Variants in FAR1 observed in about 807,000 individuals in gnomAD.
The protein encoded by FAR1 is fatty acyl-CoA reductase 1.
A neutral mutation model predicts 61.1 loss-of-function variants in FAR1; 22 were observed. The observed-to-expected ratio is 0.36, with a 90% CI of 0.26 to 0.51. The LOEUF (loss-of-function observed/expected upper bound fraction) is 0.51. Ranked by LOEUF, FAR1 falls within the 20% of genes least tolerant of loss-of-function variation. FAR1 has a pLI of 0.95. For missense variants in FAR1, 359 were observed against 626.9 expected, an observed-to-expected ratio of 0.57 and a Z score of 4.56; for synonymous variants, 206 against 209.7, an observed-to-expected ratio of 0.98 and a Z score of 0.15.
In FAR1 at chr11:13,716,604, A is replaced by G. The variant is rs984407458; in HGVS notation, c.1127+1924A>G. Among the ~76,000 whole-genome samples the G allele has an allele frequency of 2.6e-5, 4 of 152,288 alleles. No homozygotes were observed. The South Asian group carries it at 8.3e-4, about 32-fold the overall frequency. ...TAGCCTTAGGGGAATTAGACTTCTT[A>G]TATAGCAGCTGATGGCTTCAAGGGG... On this transcript the variant is annotated intron_variant, in intron 9 of 11. Coordinates refer to ENST00000354817, the MANE Select transcript of FAR1 (RefSeq NM_032228.6).
intron 10 of FAR1, among the ~76,000 whole-genome samples, chr11:13,726,898 G>A (rs1848672490): frequency 6.6e-6 from 1 of 151,866 alleles, no homozygotes; most frequent in African/African-American, 2.4e-5. Context: ...TTTTAGATAA[G>A]TGATGGTATA....
intron 10 of FAR1, among the ~76,000 whole-genome samples, chr11:13,724,020 C>T (rs2134201329): frequency 6.6e-6 from 1 of 152,248 alleles, no homozygotes; most frequent in East Asian, 1.9e-4. Flanking sequence ...CTAGGTCTCA[C>T]CCATGGCACC....
rs189008566 is a variant in FAR1 at position 13,671,674 on chromosome 11, C to T, written c.-8+2868C>T. 2.8e-4 allele frequency among the ~76,000 whole-genome samples: 42 copies of T among 152,272 alleles called. No individual in the cohort carries two copies. In the East Asian group the frequency reaches 6.4e-3, roughly 23 times the overall value. ...GTTTTGAACCTTCCAAATATTATCT[C>T]ATCTTCTGATTATCTGTATTTTATA... On this transcript the variant is annotated intron_variant, in intron 1 of 11. Coordinates refer to ENST00000354817, the MANE Select transcript of FAR1 (RefSeq NM_032228.6).
At chr11:13,719,457 C>T (rs1366352216) in intron 9 of FAR1, among the ~76,000 whole-genome samples, 1 of 152,074 alleles carries the variant, frequency 6.6e-6, no homozygotes, top group Admixed American at 6.5e-5. Flanking sequence ...TACTATGATG[C>T]CTAATTCTAC....
intron 10 of FAR1, among the ~76,000 whole-genome samples, chr11:13,725,225 A>C (rs1848657222): frequency 6.6e-6 from 1 of 152,156 alleles, no homozygotes; most frequent in South Asian, 2.1e-4. Flanking sequence ...GGGCATTCAT[A>C]TGTTCAGTTT....
In FAR1 at chr11:13,700,410, G is replaced by A; in HGVS notation, c.283G>A (p.Glu95Lys). 1 of 1,601,160 alleles carries A rather than the reference G, an allele frequency of 6.2e-7. No individual in the cohort carries two copies. Among genetic ancestry groups the A allele is most frequent in the South Asian group, 1.1e-5 (1 of 87,840 alleles). Residue 95 changes from glutamate (E) to lysine (K), a missense_variant, in exon 3 of 12, where the codon GAA (glutamate) becomes AAA (lysine). Coordinates refer to ENST00000354817, the MANE Select transcript of FAR1 (RefSeq NM_032228.6). ...CACCCAACCTAAACTGGCTCTCAGT[G>A]AAGAAGATAAAGAGGTGATCATAGA... is the stretch of plus-strand genomic sequence containing the variant. ...ELTQPKLALSEEDKEVIIDST... is the reference protein window; with the variant it reads ...ELTQPKLALSKEDKEVIIDST...
chr11:13,668,865 C>G lies in FAR1; in HGVS notation c.-8+59C>G, dbSNP rs528551392. ...GCTGCGGGCTCCTCCTCGCCTGGCT[C>G]GGGAAGTGGTTGCGGGAGCTCGGGC... On this transcript the variant is annotated intron_variant, in intron 1 of 11. Coordinates refer to ENST00000354817, the MANE Select transcript of FAR1 (RefSeq NM_032228.6). The G allele has an allele frequency of 2.0e-5, 3 of 153,046 alleles. No homozygotes were observed. The East Asian group carries it at 5.8e-4, about 30-fold the overall frequency. The allele number at this position is 153,046 out of a possible 1,614,324, so 9.5% of individuals were successfully genotyped here. A position where few individuals can be genotyped will look rare whatever the true frequency, so the allele number is the denominator to read the frequency against.
intron 4 of FAR1, among the ~76,000 whole-genome samples, chr11:13,710,302 A>G (rs1848483370): frequency 6.6e-6 from 1 of 152,128 alleles, no homozygotes; most frequent in Admixed American, 6.5e-5. Context: ...TAGAGAGGGT[A>G]TATAATTTAT....
intron 2 of FAR1, among the ~76,000 whole-genome samples, chr11:13,696,840 G>C (rs1286709493): frequency 6.6e-6 from 1 of 152,026 alleles, no homozygotes; most frequent in Non-Finnish European, 1.5e-5. Context: ...TTTAGGTATG[G>C]TCTACTCTGA....
At chr11:13,688,909 C>T (rs1848217956) in intron 1 of FAR1, among the ~76,000 whole-genome samples, 1 of 152,112 alleles carries the variant, frequency 6.6e-6, no homozygotes, top group South Asian at 2.1e-4. Context: ...ATCCCTCTGT[C>T]TCAGCCTTCA....
intron 2 of FAR1, among the ~76,000 whole-genome samples, chr11:13,695,235 G>A (rs747734085): frequency 6.6e-6 from 1 of 151,832 alleles, no homozygotes; most frequent in South Asian, 2.1e-4. Context: ...TTTGAGGCAG[G>A]TTGTTTGTAA....
At position 13,721,724 on chromosome 11, in the gene FAR1, A is replaced by G. The variant is rs1848611430; in HGVS notation, c.1128-6A>G. 3.1e-6 allele frequency: 5 copies of G among 1,608,982 alleles called. No homozygotes were observed. The highest frequency in any genetic ancestry group is 4.2e-6 in the Non-Finnish European group (5 of 1,178,192). ...TATGAATCTGTCCATTTTTCTTACA[A>G]TACAGGATGATGAAAACAATAACTC... On this transcript the variant is annotated splice_polypyrimidine_tract_variant and splice_region_variant and intron_variant, in intron 9 of 11. Coordinates refer to ENST00000354817, the MANE Select transcript of FAR1 (RefSeq NM_032228.6). This position sits in a 1 kb window ranked among gnomAD's most constrained non-coding sequence, Gnocchi z 4.2.
intron 7 of FAR1, among the ~76,000 whole-genome samples, chr11:13,712,689 G>T (rs1226060995): frequency 2.6e-5 from 4 of 151,864 alleles, no homozygotes; most frequent in African/African-American, 9.7e-5. Context: ...TTTTCCTCGT[G>T]TTTAAAAATA....
chr11:13,685,783 G>A (rs1209824650), intron 1 of FAR1: 4 of 152,182 alleles, frequency 2.6e-5, no homozygotes, highest in African/African-American at 7.2e-5. Flanking sequence ...CAATGATGTG[G>A]AATTTTTAAG....
intron 8 of FAR1, 37 bp from the exon 9 acceptor site, chr11:13,714,472 T>C: frequency 6.4e-7 from 1 of 1,556,620 alleles, no homozygotes. Flanking sequence ...CATTACATGG[T>C]TATTATCAAA....
chr11:13,699,900 A>G (rs1848351436), intron 2 of FAR1, among the ~76,000 whole-genome samples: 1 of 152,236 alleles, frequency 6.6e-6, no homozygotes. Context: ...AAGGGAATAA[A>G]ATAAAAATGA....
At chr11:13,679,449 T>C (rs1393287042) in intron 1 of FAR1, among the ~76,000 whole-genome samples, 1 of 152,174 alleles carries the variant, frequency 6.6e-6, no homozygotes, top group African/African-American at 2.4e-5. Flanking sequence ...TTTCTCTAAC[T>C]TAACTAATTG....
At chr11:13,726,162 C>T (rs1177941765) in intron 10 of FAR1, among the ~76,000 whole-genome samples, 2 of 151,836 alleles carry the variant, frequency 1.3e-5, no homozygotes, top group Non-Finnish European at 2.9e-5. Context: ...TGGTTTTGGC[C>T]ATAATGCATG....
chr11:13,697,282 G>T (rs140238975), intron 2 of FAR1, among the ~76,000 whole-genome samples: 259 of 152,098 alleles, frequency 1.7e-3, no homozygotes, highest in African/African-American at 6.0e-3. Flanking sequence ...CAATAATGGA[G>T]AAACCCCATC....
Sources: allele counts gnomAD v4.1 joint callset (sites outside exome capture counted in the v4.1 genomes callset), GRCh38; gene constraint gnomAD v4.1.1; non-coding constraint Gnocchi (gnomAD v3.1); transcripts MANE v1.5; gene names NCBI Gene and HGNC (gene_info 2026-07-23, HGNC 2026-07-21).